The following RGS6 variants were observed in gnomAD, a reference collection of about 807,000 sequenced individuals.
The protein encoded by RGS6 is regulator of G protein signaling 6, also known as regulator of G-protein signaling 6.
A neutral mutation model predicts 78.5 loss-of-function variants in RGS6; 30 were observed. The ratio of observed to expected loss-of-function variants is 0.38; its 90% confidence interval spans 0.29 to 0.52. The LOEUF is 0.52. Among genes scored for constraint, RGS6 ranks in the 20% least tolerant of loss-of-function variants. The probability of loss-of-function intolerance (pLI) is 0.85; values close to 1 mark genes in which losing one functional copy is unlikely to be tolerated. For synonymous variants in RGS6, 206 were observed against 206.0 expected (o/e 1.00, Z 0.00); for missense variants, 495 against 609.7 (o/e 0.81, Z 1.98).
At position 72,562,971 on chromosome 14, in the gene RGS6, C is replaced by T. The variant is rs2097692780; in HGVS notation, c.*504C>T. The T allele has an allele frequency of 1.3e-5, 8 of 603,596 alleles. No individual in the cohort carries two copies. In the East Asian group the frequency reaches 2.2e-4, roughly 17 times the overall value. 37.4% of individuals were successfully genotyped at this position (603,596 alleles called of 1,614,324 possible). A position where few individuals can be genotyped will look rare whatever the true frequency, so the allele number is the denominator to read the frequency against. On this transcript the variant is annotated 3_prime_UTR_variant, in exon 18 of 18. Transcript: ENST00000553525. ...ATCCCCACCGCCGCCTGTCATCCCT[C>T]ACGTCTCTGTGGCCACCCGGGTGTC...
intron 4 of RGS6, among the ~76,000 whole-genome samples, chr14:72,457,638 G>A (rs1476925096): frequency 6.6e-6 from 1 of 152,046 alleles, no homozygotes; most frequent in Non-Finnish European, 1.5e-5. Flanking sequence ...AGGAACGAAG[G>A]AACAGATTGA....
chr14:71,872,751 G>A, the RGS6 span, among the ~76,000 whole-genome samples: 140 of 152,122 alleles, frequency 9.2e-4, no homozygotes, highest in Non-Finnish European at 1.7e-3. Context: ...CCATTAACTC[G>A]TCATTTACAT....
At chr14:72,061,486 T>C (rs2093891428) in intron 2 of RGS6, among the ~76,000 whole-genome samples, 1 of 152,182 alleles carries the variant, frequency 6.6e-6, no homozygotes, top group Admixed American at 6.5e-5. Flanking sequence ...TTTAGCCACA[T>C]TACTGAACAA....
chr14:72,441,886 C>T (rs1203603877), intron 3 of RGS6, among the ~76,000 whole-genome samples: 2 of 152,210 alleles, frequency 1.3e-5, no homozygotes, highest in Admixed American at 1.3e-4. Flanking sequence ...CTGGCATTGC[C>T]CAGAGGCCCA....
intron 17 of RGS6, among the ~76,000 whole-genome samples, chr14:72,560,917 T>A (rs1024428703): frequency 6.6e-6 from 1 of 151,270 alleles, no homozygotes; most frequent in East Asian, 1.9e-4. Context: ...AGGAAAAAGG[T>A]CAAGGAGAGG....
chr14:72,265,318 T>C (rs770136850), intron 2 of RGS6, among the ~76,000 whole-genome samples: 3 of 152,052 alleles, frequency 2.0e-5, no homozygotes, highest in Non-Finnish European at 2.9e-5. Context: ...GCATTTTGGG[T>C]CCAAGCCCCT....
chr14:72,534,530 C>T (rs2097221118), intron 15 of RGS6, among the ~76,000 whole-genome samples: 1 of 152,196 alleles, frequency 6.6e-6, no homozygotes, highest in South Asian at 2.1e-4. Flanking sequence ...ACAGGATTTC[C>T]TTCTTTGTTA....
At chr14:72,597,785 G>A in the RGS6 span, among the ~76,000 whole-genome samples, 1 of 152,150 alleles carries the variant, frequency 6.6e-6, no homozygotes, top group Admixed American at 6.5e-5. Context: ...GGTGCCGTGG[G>A]ACATTCATTT....
rs555850689 is a variant in RGS6 at position 72,532,442 on chromosome 14, A to G, written c.1279-3744A>G. Among the ~76,000 whole-genome samples the G allele has an allele frequency of 2.8e-4, 43 of 152,332 alleles. 1 individual carries two copies. Among genetic ancestry groups the G allele is most frequent in the Admixed American group, 4.6e-4 (7 of 15,306 alleles). On this transcript the variant is annotated intron_variant, in intron 15 of 17. Transcript: ENST00000553525. ...TGACAACTATATTGAAATTGGGCCA[A>G]TTAATAACTCTGCAGTGGTCTCTAA...
At chr14:72,213,912 G>A (rs1004870269) in intron 2 of RGS6, among the ~76,000 whole-genome samples, 3 of 152,090 alleles carry the variant, frequency 2.0e-5, no homozygotes, top group Non-Finnish European at 4.4e-5. Context: ...TTAATACTGT[G>A]TACATTGAAC....
chr14:72,108,295 A>T (rs1236715190), intron 2 of RGS6, among the ~76,000 whole-genome samples: 1 of 152,092 alleles, frequency 6.6e-6, no homozygotes, highest in Non-Finnish European at 1.5e-5. Context: ...TCTAGTGATA[A>T]TCCAGTTTTT....
intron 15 of RGS6, among the ~76,000 whole-genome samples, chr14:72,528,284 C>G (rs921235413): frequency 6.6e-6 from 1 of 152,200 alleles, no homozygotes; most frequent in African/African-American, 2.4e-5. Context: ...GCCTCGGACT[C>G]TATTGATTCT....
chr14:72,425,379 C>T (rs55833027), intron 3 of RGS6, among the ~76,000 whole-genome samples: 13,998 of 152,142 alleles, frequency 0.092, 698 homozygotes, highest in East Asian at 0.14. Flanking sequence ...CCTCAAATGA[C>T]CCACCCACCT....
At chr14:72,098,299 C>T (rs2095451786) in intron 2 of RGS6, among the ~76,000 whole-genome samples, 1 of 152,186 alleles carries the variant, frequency 6.6e-6, no homozygotes, top group Admixed American at 6.5e-5. Flanking sequence ...ATTTCATTTC[C>T]CTGGCCTCTT....
chr14:71,916,391 TA>T, the RGS6 span, among the ~76,000 whole-genome samples: 1 of 152,106 alleles, frequency 6.6e-6, no homozygotes, highest in South Asian at 2.1e-4. Flanking sequence ...GCTTTGTGTT[TA>T]CAGGCTGAGG....
intron 3 of RGS6, among the ~76,000 whole-genome samples, chr14:72,373,829 T>C (rs932280430): frequency 9.2e-5 from 14 of 152,120 alleles, no homozygotes; most frequent in Admixed American, 7.2e-4. Flanking sequence ...TCTTTTTTTT[T>C]CCCCCACTCA....
intron 2 of RGS6, among the ~76,000 whole-genome samples, chr14:72,337,520 G>A (rs778122390): frequency 6.6e-6 from 1 of 152,052 alleles, no homozygotes; most frequent in Non-Finnish European, 1.5e-5. Context: ...TGACCAGGTA[G>A]GGTAGACAGC....
the RGS6 span, among the ~76,000 whole-genome samples, chr14:71,883,389 C>T: frequency 6.6e-6 from 1 of 152,208 alleles, no homozygotes; most frequent in African/African-American, 2.4e-5. Flanking sequence ...AGCTAAACCA[C>T]AGAAAGTCCA....
At chr14:72,001,056 GT>G (rs2153221019) in intron 2 of RGS6, among the ~76,000 whole-genome samples, 1 of 152,298 alleles carries the variant, frequency 6.6e-6, no homozygotes, top group Non-Finnish European at 1.5e-5. Flanking sequence ...TCAGGATTCG[GT>G]TTTTGGTCAG....
Sources: gnomAD v4.1 joint callset for allele counts (sites outside exome capture counted in the v4.1 genomes callset) on GRCh38, gnomAD v4.1.1 for gene constraint, MANE v1.5 for transcripts, NCBI Gene and HGNC (gene_info 2026-07-23, HGNC 2026-07-21) for gene names.